The following IRAG2 variants were observed in gnomAD, a reference collection of about 807,000 sequenced individuals.
IRAG2 encodes lymphoid restricted membrane protein.
Under a neutral mutation model 69.9 loss-of-function variants are expected in IRAG2, and 45 were observed. The ratio of observed to expected loss-of-function variants is 0.64; its 90% CI spans 0.51 to 0.83. The LOEUF (loss-of-function observed/expected upper bound fraction) is 0.83. IRAG2 is among the 40% of genes least tolerant of loss of function. The probability of loss-of-function intolerance (pLI) is 0.00; values close to 1 mark genes in which losing one functional copy is unlikely to be tolerated. For missense variants in IRAG2, 520 were observed against 587.0 expected (o/e 0.89, Z 1.18); for synonymous variants, 193 against 202.4 (o/e 0.95, Z 0.40).
At chr12:25,075,443 ATTAATC>A (rs1946618522) in intron 6 of IRAG2, among the ~76,000 whole-genome samples, 2 of 152,108 alleles carry the variant, frequency 1.3e-5, no homozygotes, top group Admixed American at 1.3e-4. Context: ...TATTAGGCCA[ATTAATC>A]TTAAAAGTTA....
chr12:25,064,090 C>CAGGAATTCGAG (rs1329505685), intron 4 of IRAG2, among the ~76,000 whole-genome samples: 2 of 152,060 alleles, frequency 1.3e-5, no homozygotes, highest in Non-Finnish European at 2.9e-5. Flanking sequence ...TGCTTGAGCC[C>CAGGAATTCGAG]AGGAATTCGA....
chr12:25,000,180 T>C (rs1944381040), upstream of IRAG2, among the ~76,000 whole-genome samples: 1 of 152,248 alleles, frequency 6.6e-6, no homozygotes, highest in African/African-American at 2.4e-5. Flanking sequence ...ATACATTGGC[T>C]CACACCAGTA....
intron 16 of IRAG2, among the ~76,000 whole-genome samples, chr12:25,044,677 A>T (rs1347435072): frequency 2.0e-5 from 3 of 152,196 alleles, no homozygotes; most frequent in Non-Finnish European, 4.4e-5. Context: ...GAGACAAAGA[A>T]GGACATTATA....
At chr12:25,039,359 G>A (rs1280257820) in intron 16 of IRAG2, among the ~76,000 whole-genome samples, 2 of 152,190 alleles carry the variant, frequency 1.3e-5, no homozygotes, top group African/African-American at 2.4e-5. Flanking sequence ...CTTCCCCATA[G>A]TGGTAAAAGA....
chr12:25,010,646 C>A (rs1183167004), intron 2 of IRAG2, among the ~76,000 whole-genome samples: 1 of 149,742 alleles, frequency 6.7e-6, no homozygotes, highest in Non-Finnish European at 1.5e-5. Flanking sequence ...AATTAAGAGA[C>A]TTTTTTTTTT....
In IRAG2 at chr12:25,026,868, T is replaced by A; in HGVS notation, c.1461+2T>A. On this transcript the variant is annotated splice_donor_variant, in intron 9 of 38. Coordinates refer to the IRAG2 transcript ENST00000636465. LOFTEE classifies it high-confidence loss of function. ...TCTAAAACTGAGACAGAGCACCAAG[T>A]AAGCACTTCCCAAATACTGGTAAAA... The A allele has an allele frequency of 1.6e-6, 2 of 1,218,146 alleles. No individual in the cohort carries two copies. Among genetic ancestry groups the A allele is most frequent in the Non-Finnish European group, 2.1e-6 (2 of 975,254 alleles). 75.5% of individuals were successfully genotyped at this position (1,218,146 alleles called of 1,614,324 possible).
At chr12:25,071,052 TG>T (rs1946305271) in intron 6 of IRAG2, among the ~76,000 whole-genome samples, 1 of 152,196 alleles carries the variant, frequency 6.6e-6, no homozygotes, top group African/African-American at 2.4e-5. Flanking sequence ...GCATTGTTTT[TG>T]TTCATAAATA....
intron 16 of IRAG2, among the ~76,000 whole-genome samples, chr12:25,044,821 GACTGT>G (rs1373421842): frequency 2.0e-5 from 3 of 152,108 alleles, no homozygotes; most frequent in Non-Finnish European, 2.9e-5. Flanking sequence ...AATAATAAAA[GACTGT>G]AGTATTTCAT....
upstream of IRAG2, chr12:25,052,671 G>A: frequency 5.0e-6 from 2 of 397,590 alleles, no homozygotes; most frequent in Non-Finnish European, 8.9e-6. Context: ...TTCAGGAGAG[G>A]CTTATCACTT....
chr12:25,025,504 A>T (rs1591929122), intron 8 of IRAG2, among the ~76,000 whole-genome samples: 1 of 147,272 alleles, frequency 6.8e-6, no homozygotes, highest in South Asian at 2.1e-4. Flanking sequence ...GTCTTTTTTT[A>T]AAACAAAACA....
chr12:25,045,836 C>G (rs1245934149), intron 16 of IRAG2, among the ~76,000 whole-genome samples: 1 of 96,584 alleles, frequency 1.0e-5, no homozygotes, highest in Non-Finnish European at 2.1e-5. Flanking sequence ...AAATTCTTTA[C>G]CAAATAAAAG....
rs775728989 is a variant in IRAG2, at chr12:25,107,837, G to T, written c.1277G>T (p.Trp426Leu). The T allele has an allele frequency of 6.8e-6, 11 of 1,613,372 alleles. No individual in the cohort carries two copies. The highest frequency in any genetic ancestry group is 1.6e-4 in the Middle Eastern group (1 of 6,080). Residue 426 changes from tryptophan to leucine, a missense_variant, in exon 22 of 22, where the codon TGG (tryptophan) becomes TTG (leucine). Physicochemically the swap from Trp to Leu is moderately conservative, Grantham distance 61 (BLOSUM62 -2). Transcript: ENST00000556887. Reference protein sequence around the residue: ...VSSVYDTIASWATNLKSSIRK... With the variant: ...VSSVYDTIASLATNLKSSIRK... ...TATAGTTATGACACAATAGCTTCCT[G>T]GGCAACAAATCTCAAGTCCTCCATC...
chr12:25,055,964 A>G (rs1477677295), intron 1 of IRAG2, among the ~76,000 whole-genome samples: 1 of 152,174 alleles, frequency 6.6e-6, no homozygotes. Flanking sequence ...TCTCATAGAC[A>G]ATGAGAGAAT....
intron 1 of IRAG2, among the ~76,000 whole-genome samples, chr12:25,055,724 C>T (rs888587255): frequency 5.9e-5 from 9 of 152,046 alleles, no homozygotes; most frequent in Admixed American, 1.3e-4. Context: ...TCTGTCCTTG[C>T]GATAGTTTGC....
intron 6 of IRAG2, among the ~76,000 whole-genome samples, chr12:25,076,167 A>T (rs529399914): frequency 6.6e-6 from 1 of 152,302 alleles, no homozygotes; most frequent in East Asian, 1.9e-4. Flanking sequence ...TAGGATTGGG[A>T]TATGTTGTAT....
upstream of IRAG2, among the ~76,000 whole-genome samples, chr12:25,050,897 A>T (rs1944853670): frequency 3.8e-5 from 5 of 130,600 alleles, no homozygotes; most frequent in Admixed American, 4.4e-4. Context: ...ATACTGCACG[A>T]TCCCACTTCT....
chr12:25,034,897 A>C (rs1271844730), intron 13 of IRAG2, among the ~76,000 whole-genome samples: 1 of 152,206 alleles, frequency 6.6e-6, no homozygotes, highest in East Asian at 1.9e-4. Flanking sequence ...ATTCTGTTTC[A>C]AATACTCATC....
intron 3 of IRAG2, among the ~76,000 whole-genome samples, chr12:25,012,902 T>A (rs1463854): frequency 0.28 from 43,073 of 152,098 alleles, 7,798 homozygotes; most frequent in Admixed American, 0.45. Flanking sequence ...ATAGATAACT[T>A]AAGAAAATAT....
intron 16 of IRAG2, among the ~76,000 whole-genome samples, chr12:25,043,412 G>T (rs1944766422): frequency 6.6e-6 from 1 of 152,032 alleles, no homozygotes. Flanking sequence ...TACTCTAGAT[G>T]CCTGGATACC....
Sources: allele counts gnomAD v4.1 joint callset (sites outside exome capture counted in the v4.1 genomes callset), GRCh38; gene constraint gnomAD v4.1.1; transcripts MANE v1.5; gene names NCBI Gene and HGNC (gene_info 2026-07-23, HGNC 2026-07-21).